The following RPS6KA2 variants were observed in gnomAD, a reference collection of about 807,000 sequenced individuals.
The protein encoded by RPS6KA2 is ribosomal protein S6 kinase alpha-2.
In RPS6KA2, 42 loss-of-function variants were observed where a neutral mutation model predicts 91.8. That is an observed-to-expected ratio of 0.46 (90% confidence interval 0.36 to 0.59). The LOEUF (loss-of-function observed/expected upper bound fraction) is 0.59. Ranked by LOEUF, RPS6KA2 falls within the 20% of genes least tolerant of loss-of-function variation. The probability of loss-of-function intolerance (pLI) is 0.00; values close to 1 mark genes in which losing one functional copy is unlikely to be tolerated. For missense variants in RPS6KA2, 798 were observed against 978.5 expected (o/e 0.82, Z 2.46); for synonymous variants, 414 against 393.6 (o/e 1.05, Z -0.61).
At chr6:166,730,421 A>G (rs569502588) in intron 2 of RPS6KA2, among the ~76,000 whole-genome samples, 2 of 152,336 alleles carry the variant, frequency 1.3e-5, no homozygotes, top group South Asian at 4.1e-4. Context: ...AATGTTTTAT[A>G]AAATTATGTG....
intron 1 of RPS6KA2, among the ~76,000 whole-genome samples, chr6:166,546,180 T>C (rs1783820648): frequency 1.3e-5 from 2 of 152,160 alleles, no homozygotes; most frequent in Admixed American, 1.3e-4. Context: ...AGCTACTGAC[T>C]GACATGAGTG....
intron 1 of RPS6KA2, among the ~76,000 whole-genome samples, chr6:166,607,091 G>A (rs978943748): frequency 1.4e-5 from 2 of 145,954 alleles, no homozygotes; most frequent in East Asian, 2.1e-4. Context: ...GCAGTGAGCC[G>A]AGATTGTGCC....
chr6:166,707,354 A>G (rs979967264), intron 2 of RPS6KA2, among the ~76,000 whole-genome samples: 6 of 152,254 alleles, frequency 3.9e-5, no homozygotes, highest in African/African-American at 1.4e-4. Context: ...GACTTTCAGG[A>G]ATAAGTGAAG....
At chr6:166,622,114 T>C (rs767127479) in intron 1 of RPS6KA2, among the ~76,000 whole-genome samples, 13 of 152,230 alleles carry the variant, frequency 8.5e-5, no homozygotes, top group Non-Finnish European at 1.6e-4. Flanking sequence ...TTTGCTGTGC[T>C]GGGTGTGGCC....
chr6:166,829,645 G>C (rs938959700), intron 2 of RPS6KA2, among the ~76,000 whole-genome samples: 6 of 149,580 alleles, frequency 4.0e-5, no homozygotes, highest in Non-Finnish European at 7.4e-5. Flanking sequence ...CAATTCCCCT[G>C]CTAGATTGAA....
intron 3 of RPS6KA2, among the ~76,000 whole-genome samples, chr6:166,522,965 C>G (rs1249488225): frequency 6.6e-6 from 1 of 152,216 alleles, no homozygotes; most frequent in Non-Finnish European, 1.5e-5. Context: ...GGTTACTTAA[C>G]TGACTTCCTT....
chr6:166,790,400 A>C (rs1779052612), intron 2 of RPS6KA2, among the ~76,000 whole-genome samples: 2 of 152,370 alleles, frequency 1.3e-5, no homozygotes, highest in Non-Finnish European at 2.9e-5. Context: ...GTGTACCTGA[A>C]AGTGATGGGG....
At chr6:166,498,426 G>C (rs376996973) in intron 8 of RPS6KA2, 82 bp downstream of exon 8, 1 of 1,447,698 alleles carries the variant, frequency 6.9e-7, no homozygotes, top group African/African-American at 1.5e-5. Flanking sequence ...TCCGCATTTC[G>C]GGACCTCTGA....
At chr6:166,525,665 G>A (rs11962987) in intron 3 of RPS6KA2, among the ~76,000 whole-genome samples, 6,781 of 152,222 alleles carry the variant, frequency 0.045, 467 homozygotes, top group African/African-American at 0.15. Context: ...CAGGTCTCCC[G>A]CCTCCTTTCA....
In RPS6KA2 at chr6:166,508,339, C is replaced by G. The variant is rs1490614597; in HGVS notation, c.380-57G>C. The G allele has an allele frequency of 6.2e-6, 7 of 1,132,568 alleles. No homozygotes were observed. Among genetic ancestry groups the G allele is most frequent in the Admixed American group, 3.5e-5 (2 of 57,580 alleles). 70.2% of individuals were successfully genotyped at this position (1,132,568 alleles called of 1,614,324 possible). A position where few individuals can be genotyped will look rare whatever the true frequency, so the allele number is the denominator to read the frequency against. On this transcript the variant is annotated intron_variant, in intron 4 of 20. Coordinates refer to ENST00000265678, the MANE Select transcript of RPS6KA2 (RefSeq NM_021135.6). This position sits in a 1 kb window ranked among gnomAD's most constrained non-coding sequence, Gnocchi z 4.3. Reference sequence around the variant, plus strand: ...CTTGTCGAATGTCCTGTGGCAACATCGCTCTCTGGCTTCTCCCTGCTCACG... The same window carrying G: ...CTTGTCGAATGTCCTGTGGCAACATGGCTCTCTGGCTTCTCCCTGCTCACG...
intron 17 of RPS6KA2, among the ~76,000 whole-genome samples, chr6:166,420,740 TTGGGTATATACCCAGAAGTTCCATTC>T (rs1203539089): frequency 6.6e-6 from 1 of 152,194 alleles, no homozygotes; most frequent in African/African-American, 2.4e-5. Context: ...TTCAATTCTT[TTGGGTATATACCCAGAAGTTCCATTC>T]TGGGCTACGT....
intron 2 of RPS6KA2, among the ~76,000 whole-genome samples, chr6:166,827,357 G>A (rs968619652): frequency 6.6e-6 from 1 of 150,930 alleles, no homozygotes; most frequent in African/African-American, 2.4e-5. Flanking sequence ...AACGTGATGT[G>A]TATATATCTA....
chr6:166,607,146 A>AG, intron 1 of RPS6KA2, among the ~76,000 whole-genome samples: 1 of 151,810 alleles, frequency 6.6e-6, no homozygotes, highest in African/African-American at 2.4e-5. Flanking sequence ...CCGTCAAAAA[A>AG]AAAAAAAAAA....
At chr6:166,862,571 C>G (rs1010197152), upstream of RPS6KA2, 11 of 251,596 alleles carry the variant, frequency 4.4e-5, no homozygotes, top group South Asian at 2.1e-4. Context: ...GCCTCTCCCC[C>G]CTCCCTTCCC....
intron 16 of RPS6KA2, among the ~76,000 whole-genome samples, chr6:166,429,303 G>A (rs1779040349): frequency 8.4e-6 from 1 of 118,806 alleles, no homozygotes; most frequent in Non-Finnish European, 1.7e-5. Flanking sequence ...GGGGGAGGGG[G>A]GGAGGGATAG....
At chr6:166,680,251 A>C (rs1430644022) in intron 2 of RPS6KA2, among the ~76,000 whole-genome samples, 1 of 152,218 alleles carries the variant, frequency 6.6e-6, no homozygotes, top group Non-Finnish European at 1.5e-5. Context: ...CTCTGTGTCT[A>C]GCTAAAGGTT....
intron 2 of RPS6KA2, among the ~76,000 whole-genome samples, chr6:166,688,724 C>T (rs189750244): frequency 2.6e-5 from 4 of 152,330 alleles, no homozygotes; most frequent in East Asian, 1.9e-4. Context: ...GGGGCTAGGA[C>T]GTGCCTAAGG....
In RPS6KA2 at chr6:166,849,745, G is replaced by A. The variant is rs1269214064; in HGVS notation, c.123+8455C>T. 6.6e-6 allele frequency among the ~76,000 whole-genome samples: 1 copy of A among 152,232 alleles called. No homozygotes were observed. Among genetic ancestry groups the A allele is most frequent in the African/African-American group, 2.4e-5 (1 of 41,456 alleles). ...CAGTCCCATGTGCCTGGCGCAGTGT[G>A]TGGCCTGAGACTGACACCAGCATGT... On this transcript the variant is annotated intron_variant, in intron 2 of 21. Transcript: ENST00000503859. The surrounding 1 kb of genome is among the most constrained non-coding windows in gnomAD (Gnocchi z 4.9).
chr6:166,454,998 T>C (rs1780049083), intron 12 of RPS6KA2, among the ~76,000 whole-genome samples: 1 of 151,586 alleles, frequency 6.6e-6, no homozygotes, highest in African/African-American at 2.4e-5. Flanking sequence ...AACACACATA[T>C]GTACAAATTT....
Sources: gnomAD v4.1 joint callset for allele counts (sites outside exome capture counted in the v4.1 genomes callset) on GRCh38, gnomAD v4.1.1 for gene constraint, Gnocchi (gnomAD v3.1) non-coding constraint, MANE v1.5 for transcripts, NCBI Gene and HGNC (gene_info 2026-07-23, HGNC 2026-07-21) for gene names.